Variants in TOX observed in about 807,000 individuals in gnomAD.
TOX encodes the protein thymocyte selection associated high mobility group box, also known as thymocyte selection-associated high mobility group box protein TOX.
A neutral mutation model predicts 53.7 loss-of-function variants in TOX; 11 were observed. The ratio of observed to expected loss-of-function variants is 0.20; its 90% CI spans 0.13 to 0.34. The LOEUF is 0.34. Ranked by LOEUF, TOX falls within the 10% of genes least tolerant of loss-of-function variation. The pLI, the probability that TOX is intolerant of heterozygous loss-of-function variation, is 1.00. For missense variants in TOX, 570 were observed against 664.6 expected (o/e 0.86, Z 1.56); for synonymous variants, 225 against 245.3 (o/e 0.92, Z 0.77).
chr8:58,831,730 A>G (rs1329237812), intron 5 of TOX, among the ~76,000 whole-genome samples: 3 of 152,198 alleles, frequency 2.0e-5, no homozygotes, highest in Non-Finnish European at 1.5e-5. Context: ...TGCTTGGAAC[A>G]TAGTAGGTGC....
chr8:58,824,872 G>A (rs1195155422), intron 6 of TOX, among the ~76,000 whole-genome samples: 1 of 152,132 alleles, frequency 6.6e-6, no homozygotes, highest in Non-Finnish European at 1.5e-5. Context: ...CAAATGGGGG[G>A]TGGGGAAAAA....
intron 1 of TOX, among the ~76,000 whole-genome samples, chr8:59,006,748 AC>A (rs1813797841): frequency 6.6e-6 from 1 of 152,218 alleles, no homozygotes; most frequent in South Asian, 2.1e-4. Context: ...TTCTTGAGGT[AC>A]TAACATTAAA....
At chr8:59,106,813 G>A (rs549738915) in intron 1 of TOX, among the ~76,000 whole-genome samples, 2 of 152,180 alleles carry the variant, frequency 1.3e-5, no homozygotes, top group African/African-American at 2.4e-5. Flanking sequence ...TAGCAAGAAC[G>A]AATTTTTCAC....
intron 3 of TOX, among the ~76,000 whole-genome samples, chr8:58,859,792 A>G (rs1810976490): frequency 6.6e-6 from 1 of 152,218 alleles, no homozygotes; most frequent in South Asian, 2.1e-4. Flanking sequence ...AACATCACTG[A>G]AGAGTCTTAA....
intron 1 of TOX, among the ~76,000 whole-genome samples, chr8:58,963,302 G>T (rs757500125): frequency 0.038 from 4,669 of 121,986 alleles, 132 homozygotes; most frequent in Non-Finnish European, 0.048. Flanking sequence ...AAGATAGATA[G>T]ATAGATATAT....
intron 5 of TOX, among the ~76,000 whole-genome samples, chr8:58,830,886 C>T (rs762344863): frequency 1.5e-4 from 23 of 152,144 alleles, no homozygotes; most frequent in Non-Finnish European, 2.9e-4. Flanking sequence ...AATTTAACCA[C>T]AATTCCCTGC....
At chr8:58,941,205 A>C (rs933502792) in intron 2 of TOX, among the ~76,000 whole-genome samples, 3 of 152,248 alleles carry the variant, frequency 2.0e-5, no homozygotes, top group Admixed American at 2.0e-4. Flanking sequence ...TTACAGATCT[A>C]AGCCATTGGT....
At chr8:59,071,633 T>G (rs999029662) in intron 1 of TOX, among the ~76,000 whole-genome samples, 1 of 152,146 alleles carries the variant, frequency 6.6e-6, no homozygotes, top group Admixed American at 6.5e-5. Context: ...TAATGCCCTA[T>G]AGTATTAGGA....
intron 1 of TOX, among the ~76,000 whole-genome samples, chr8:59,021,481 A>AAAAATATATATATATAT (rs59174995): frequency 3.1e-5 from 2 of 64,740 alleles, no homozygotes; most frequent in African/African-American, 1.1e-4. Flanking sequence ...AAAAAAAAAA[A>AAAAATATATATATATAT]ATATATATAT....
At chr8:58,960,198 T>G (rs564683150) in intron 1 of TOX, among the ~76,000 whole-genome samples, 190 bp from the exon 2 acceptor site, 1 of 152,368 alleles carries the variant, frequency 6.6e-6, no homozygotes, top group Non-Finnish European at 1.5e-5. Context: ...TCATCCTTAC[T>G]GACCCTGGAT....
In TOX at chr8:59,045,154, A is replaced by G. The variant is rs144147700; in HGVS notation, c.102+73732T>C. Reference sequence around the variant, plus strand: ...ATTTCATTCTTTTTTTCAACTATTTACCTGTTCTTTTCTACTTTCCCATGA... The same window carrying G: ...ATTTCATTCTTTTTTTCAACTATTTGCCTGTTCTTTTCTACTTTCCCATGA... On this transcript the variant is annotated intron_variant, in intron 1 of 8. Transcript: ENST00000361421. 2.2e-3 allele frequency among the ~76,000 whole-genome samples: 333 copies of G among 152,168 alleles called. 3 individuals carry two copies. The highest frequency in any genetic ancestry group is 0.01 in the Middle Eastern group (3 of 294).
At chr8:59,103,599 A>T (rs954991300) in intron 1 of TOX, among the ~76,000 whole-genome samples, 1 of 152,186 alleles carries the variant, frequency 6.6e-6, no homozygotes, top group African/African-American at 2.4e-5. Flanking sequence ...AGTTCCAGGG[A>T]TCTTCGTCTA....
chr8:58,813,369 T>C (rs1294471222), intron 7 of TOX, among the ~76,000 whole-genome samples: 1 of 152,150 alleles, frequency 6.6e-6, no homozygotes, highest in African/African-American at 2.4e-5. Context: ...AACTGAACTT[T>C]TGGTTTTTTT....
intron 1 of TOX, among the ~76,000 whole-genome samples, chr8:59,112,701 C>T (rs984247753): frequency 3.3e-5 from 5 of 152,182 alleles, no homozygotes; most frequent in East Asian, 3.9e-4. Flanking sequence ...AATAAGGGAG[C>T]GTTCCAGCTT....
chr8:59,013,557 C>A (rs796380830), intron 1 of TOX, among the ~76,000 whole-genome samples: 2 of 152,058 alleles, frequency 1.3e-5, no homozygotes, highest in African/African-American at 4.8e-5. Flanking sequence ...ACTACAGCCA[C>A]GAGCCACCAT....
chr8:58,821,017 G>A (rs749230155), intron 6 of TOX, among the ~76,000 whole-genome samples: 30 of 152,088 alleles, frequency 2.0e-4, no homozygotes, highest in African/African-American at 5.8e-4. Context: ...CTTCAATAGC[G>A]TGTAAAATTG....
chr8:59,032,576 T>G, intron 1 of TOX, among the ~76,000 whole-genome samples: 1 of 152,200 alleles, frequency 6.6e-6, no homozygotes, highest in Middle Eastern at 3.2e-3. Context: ...CTGCCCTTTC[T>G]TTAATAATAA....
intron 1 of TOX, among the ~76,000 whole-genome samples, chr8:59,079,985 CTTT>C (rs140553464): frequency 2.8e-5 from 4 of 140,834 alleles, no homozygotes; most frequent in Admixed American, 7.0e-5. Flanking sequence ...GTTTTCTTTT[CTTT>C]TTTTTTTTTT....
rs1810005472 is a variant in TOX, at chr8:58,807,797, A to G, written c.1545-14T>C. 1 of 1,613,942 alleles carries G rather than the reference A, an allele frequency of 6.2e-7. No individual in the cohort carries two copies. The highest frequency in any genetic ancestry group is 1.3e-5 in the African/African-American group (1 of 74,932). ...CTCTGCATGCCCCTGTAGGAAGAGA[A>G]AAAAGACAGTTCCTTGTTACAGGAC... On this transcript the variant is annotated splice_polypyrimidine_tract_variant and intron_variant, in intron 8 of 8. Transcript: ENST00000361421.
Sources: allele counts gnomAD v4.1 joint callset (sites outside exome capture counted in the v4.1 genomes callset), GRCh38; gene constraint gnomAD v4.1.1; transcripts MANE v1.5; gene names NCBI Gene and HGNC (gene_info 2026-07-23, HGNC 2026-07-21).